Variants in APELA observed in about 807,000 individuals in gnomAD.
APELA encodes protein Elabela.
chr4:164,888,973 GTGTGTGTGTGTA>G (rs567054753), intron 2 of APELA, among the ~76,000 whole-genome samples: 5 of 145,762 alleles, frequency 3.4e-5, no homozygotes, highest in Non-Finnish European at 6.1e-5. Context: ...TCTCTTGAGA[GTGTGTGTGTGTA>G]TGTGTGTGTG....
At chr4:164,889,840 A>T (rs1730847949) in intron 2 of APELA, among the ~76,000 whole-genome samples, 1 of 152,240 alleles carries the variant, frequency 6.6e-6, no homozygotes, top group Non-Finnish European at 1.5e-5. Flanking sequence ...TTCCCTAAAC[A>T]ATACAGTATA....
At chr4:164,894,193 C>T (rs1294049889) in intron 2 of APELA, among the ~76,000 whole-genome samples, 3 of 151,968 alleles carry the variant, frequency 2.0e-5, no homozygotes, top group Non-Finnish European at 2.9e-5. Flanking sequence ...GGTGTCGTGG[C>T]GCACGCCTGT....
intron 2 of APELA, among the ~76,000 whole-genome samples, chr4:164,882,975 AT>A (rs1730690824): frequency 6.6e-6 from 1 of 152,062 alleles, no homozygotes; most frequent in African/African-American, 2.4e-5. Flanking sequence ...ATTATTTTTA[AT>A]TGAGTCCAAC....
At chr4:164,897,970 A>C (rs77169910), downstream of APELA, among the ~76,000 whole-genome samples, 12,819 of 152,090 alleles carry the variant, frequency 0.084, 1,568 homozygotes, top group African/African-American at 0.27. Context: ...AGCTCACTGC[A>C]AACTCCATCT....
At chr4:164,886,842 C>G (rs1004419007) in intron 2 of APELA, among the ~76,000 whole-genome samples, 1 of 149,100 alleles carries the variant, frequency 6.7e-6, no homozygotes, top group Non-Finnish European at 1.5e-5. Context: ...TTTTTTGGGA[C>G]AGAGTTCCAC....
At chr4:164,889,366 T>C (rs1730837852) in intron 2 of APELA, among the ~76,000 whole-genome samples, 2 of 152,208 alleles carry the variant, frequency 1.3e-5, no homozygotes, top group South Asian at 4.1e-4. Context: ...ATACACATTA[T>C]TTAAACATAT....
At chr4:164,893,181 A>G (rs1243317744) in intron 2 of APELA, among the ~76,000 whole-genome samples, 1 of 152,138 alleles carries the variant, frequency 6.6e-6, no homozygotes, top group Non-Finnish European at 1.5e-5. Flanking sequence ...TAGGGTCTTA[A>G]GTGAAATGTT....
chr4:164,898,258 T>C (rs1341414615), downstream of APELA, among the ~76,000 whole-genome samples: 1 of 151,094 alleles, frequency 6.6e-6, no homozygotes, highest in African/African-American at 2.4e-5. Flanking sequence ...TCCCAGCACT[T>C]TGGGAGGCCG....
chr4:164,891,744 G>A (rs1028614541), intron 2 of APELA, among the ~76,000 whole-genome samples: 1 of 152,090 alleles, frequency 6.6e-6, no homozygotes, highest in Non-Finnish European at 1.5e-5. Flanking sequence ...TGCAAATTGA[G>A]ATAGTTTCTT....
Position 164,888,505 on chromosome 4 carries a change from T to C in APELA, c.*2-6911T>C, listed in dbSNP as rs534136494. On this transcript the variant is annotated intron_variant, in intron 2 of 2. Coordinates refer to ENST00000507152, the MANE Select transcript of APELA (RefSeq NM_001297550.2). ...GGGATAAAAAGGAAACTGGTAGTTCTTAACCATCTGGGACCAGCTGCTGCA... is the reference window on the plus strand; with the variant it reads ...GGGATAAAAAGGAAACTGGTAGTTCCTAACCATCTGGGACCAGCTGCTGCA... Among the ~76,000 whole-genome samples the C allele has an allele frequency of 2.0e-5, 3 of 152,340 alleles. No individual in the cohort carries two copies. In the East Asian group the frequency reaches 5.8e-4, roughly 29 times the overall value.
chr4:164,898,575 C>T (rs945266877), downstream of APELA, among the ~76,000 whole-genome samples: 12 of 151,484 alleles, frequency 7.9e-5, no homozygotes, highest in African/African-American at 2.9e-4. Flanking sequence ...CTTTACAGAG[C>T]TTGATCAAGA....
intron 2 of APELA, 25 bp downstream of exon 2, chr4:164,879,034 G>T (rs369415578): frequency 5.0e-6 from 2 of 398,696 alleles, no homozygotes; most frequent in East Asian, 7.1e-5. Context: ...AAATAGATTC[G>T]CTACATTTAG....
intron 2 of APELA, among the ~76,000 whole-genome samples, chr4:164,881,146 T>C (rs1243177903): frequency 6.6e-6 from 1 of 152,220 alleles, no homozygotes; most frequent in African/African-American, 2.4e-5. Context: ...TACTTTCCCA[T>C]TTTTTATATG....
intron 2 of APELA, among the ~76,000 whole-genome samples, chr4:164,881,649 C>T (rs1353995848): frequency 1.3e-5 from 2 of 151,832 alleles, no homozygotes; most frequent in Non-Finnish European, 2.9e-5. Context: ...TGTGAGGGCC[C>T]TAGAGTGGAA....
intron 2 of APELA, among the ~76,000 whole-genome samples, chr4:164,889,496 T>G (rs1730839798): frequency 6.6e-6 from 1 of 152,234 alleles, no homozygotes; most frequent in African/African-American, 2.4e-5. Context: ...GAAATCCATT[T>G]ACTACGTTTA....
At position 164,878,944 on chromosome 4, in the gene APELA, T is replaced by G. The variant is rs1730606267; in HGVS notation, c.101T>G (p.Leu34Arg). ...RPVNLTMRRK[L>R]RKHNCLQRRC... ...GTTAATTTGACCATGAGAAGAAAAC[T>G]GCGCAAACACAATTGCCTTCAGAGG... The change falls in exon 2 of 3, where the codon CTG (leucine) becomes CGG (arginine). Residue 34 changes from leucine (L) to arginine (R), a missense_variant. By Grantham distance (102) the Leu-to-Arg change is moderately radical (BLOSUM62 -2). Coordinates refer to ENST00000507152, the MANE Select transcript of APELA (RefSeq NM_001297550.2). 12 of 399,016 alleles carry G rather than the reference T, an allele frequency of 3.0e-5. No individual in the cohort carries two copies. The East Asian group carries it at 4.3e-4, about 14-fold the overall frequency. 24.7% of individuals were successfully genotyped at this position (399,016 alleles called of 1,614,324 possible). A position where few individuals can be genotyped will look rare whatever the true frequency, so the allele number is the denominator to read the frequency against.
intron 1 of APELA, among the ~76,000 whole-genome samples, 192 bp downstream of exon 1, chr4:164,877,599 T>C (rs994592434): frequency 2.6e-5 from 4 of 152,224 alleles, no homozygotes; most frequent in Non-Finnish European, 5.9e-5. Flanking sequence ...TTTAAAAACA[T>C]CTGGACTTTG....
At chr4:164,881,054 AT>A (rs1730643914) in intron 2 of APELA, among the ~76,000 whole-genome samples, 2 of 152,066 alleles carry the variant, frequency 1.3e-5, no homozygotes, top group Admixed American at 6.6e-5. Flanking sequence ...ACATTAGAAA[AT>A]TTTTCAAGAC....
intron 2 of APELA, among the ~76,000 whole-genome samples, chr4:164,889,431 A>G (rs1462394381): frequency 6.6e-6 from 1 of 152,088 alleles, no homozygotes; most frequent in Non-Finnish European, 1.5e-5. Context: ...ATTTAATCTA[A>G]TTTACTTTAA....
Sources: gnomAD v4.1 joint callset for allele counts (sites outside exome capture counted in the v4.1 genomes callset) on GRCh38, gnomAD v4.1.1 for gene constraint, MANE v1.5 for transcripts, NCBI Gene and HGNC (gene_info 2026-07-23, HGNC 2026-07-21) for gene names.